Variants in THSD7A observed in about 807,000 individuals in gnomAD.
THSD7A encodes thrombospondin type-1 domain-containing protein 7A.
THSD7A carries 96 observed loss-of-function variants against 231.3 expected under a neutral mutation model. The ratio of observed to expected loss-of-function variants is 0.41; its 90% CI spans 0.35 to 0.49. The LOEUF (loss-of-function observed/expected upper bound fraction) is 0.49, where lower values mean the gene tolerates loss of function less well. Among genes scored for constraint, THSD7A ranks in the 20% least tolerant of loss-of-function variants. The probability of loss-of-function intolerance (pLI) is 0.05; values close to 1 mark genes in which losing one functional copy is unlikely to be tolerated. For missense variants in THSD7A, 2,290 were observed against 2,070.2 expected, an observed-to-expected ratio of 1.11 and a Z score of -2.06; for synonymous variants, 940 against 743.3, an observed-to-expected ratio of 1.26 and a Z score of -4.30.
chr7:11,646,574 C>A (rs1782290545), intron 1 of THSD7A, among the ~76,000 whole-genome samples: 1 of 151,856 alleles, frequency 6.6e-6, no homozygotes. Context: ...GTGAAATGGA[C>A]AAAACTTTTT....
intron 13 of THSD7A, among the ~76,000 whole-genome samples, chr7:11,442,192 A>G (rs533828400): frequency 6.6e-6 from 1 of 152,156 alleles, no homozygotes; most frequent in South Asian, 2.1e-4. Context: ...GAATACTATA[A>G]TATCTGATTT....
Position 11,474,220 on chromosome 7 carries a change from G to A in THSD7A, c.2252+114C>T. On this transcript the variant is annotated intron_variant, in intron 8 of 27. Coordinates refer to ENST00000423059, the MANE Select transcript of THSD7A (RefSeq NM_015204.3). This position sits in a 1 kb window ranked among gnomAD's most constrained non-coding sequence, Gnocchi z 4.1. The stretch of plus-strand genomic sequence containing the variant: ...TTCAAAACAAACAAATCTTGCTCTT[G>A]AGGACAGGTATGACAAGCATCAAAA... 1 of 858,494 alleles carries A rather than the reference G, an allele frequency of 1.2e-6. No homozygotes were observed. The allele number at this position is 858,494 out of a possible 1,614,324, so 53.2% of individuals were successfully genotyped here. A position where few individuals can be genotyped will look rare whatever the true frequency, so the allele number is the denominator to read the frequency against.
In THSD7A at chr7:11,814,830, A is replaced by C. The variant is rs947857515; in HGVS notation, c.190+16927T>G. Among the ~76,000 whole-genome samples the C allele has an allele frequency of 1.1e-4, 16 of 152,148 alleles. No homozygotes were observed. Among genetic ancestry groups the C allele is most frequent in the African/African-American group, 3.6e-4 (15 of 41,432 alleles). On this transcript the variant is annotated intron_variant, in intron 1 of 27. Transcript: ENST00000423059. This position sits in a 1 kb window ranked among gnomAD's most constrained non-coding sequence, Gnocchi z 5.1. Reference sequence around the variant, plus strand: ...TATGTAGTCACCACAGCAAACTCTCAAAAGAAGCTGTTTGATAAGAGTGAT... The same window carrying C: ...TATGTAGTCACCACAGCAAACTCTCCAAAGAAGCTGTTTGATAAGAGTGAT...
chr7:11,568,102 G>T (rs993633136), intron 4 of THSD7A, among the ~76,000 whole-genome samples: 1 of 152,036 alleles, frequency 6.6e-6, no homozygotes. Context: ...AGTATTTTAA[G>T]TATCATACTA....
intron 1 of THSD7A, among the ~76,000 whole-genome samples, chr7:11,783,974 A>T (rs1783709337): frequency 6.6e-6 from 1 of 152,052 alleles, no homozygotes; most frequent in Admixed American, 6.6e-5. Flanking sequence ...TTACCTGTTA[A>T]TTTTTTACTA....
At chr7:11,517,448 C>T (rs1788080368) in intron 6 of THSD7A, among the ~76,000 whole-genome samples, 1 of 151,852 alleles carries the variant, frequency 6.6e-6, no homozygotes, top group South Asian at 2.1e-4. Context: ...GTTTGCCCTC[C>T]TGAAACAGGG....
At chr7:11,736,813 CA>C (rs1781931533) in intron 1 of THSD7A, among the ~76,000 whole-genome samples, 1 of 151,988 alleles carries the variant, frequency 6.6e-6, no homozygotes, top group South Asian at 2.1e-4. Flanking sequence ...TGGCCCCACC[CA>C]AATCTCATCT....
chr7:11,390,084 A>G (rs975780641), intron 23 of THSD7A, among the ~76,000 whole-genome samples: 1 of 152,074 alleles, frequency 6.6e-6, no homozygotes, highest in African/African-American at 2.4e-5. Context: ...TCTGATGATT[A>G]TGTGTCTTGG....
chr7:11,505,298 GCTA>G (rs779695456), intron 6 of THSD7A, among the ~76,000 whole-genome samples: 34 of 152,162 alleles, frequency 2.2e-4, no homozygotes, highest in Non-Finnish European at 4.3e-4. Context: ...TTTTACAAGG[GCTA>G]CTAACTTCAA....
At chr7:11,562,914 A>T (rs1363201193) in intron 4 of THSD7A, among the ~76,000 whole-genome samples, 1 of 152,172 alleles carries the variant, frequency 6.6e-6, no homozygotes, top group Non-Finnish European at 1.5e-5. Flanking sequence ...TAGTAATTTC[A>T]GGTATATTTT....
chr7:11,532,040 T>C (rs916777600), intron 6 of THSD7A, among the ~76,000 whole-genome samples: 11 of 152,092 alleles, frequency 7.2e-5, no homozygotes, highest in African/African-American at 2.7e-4. Context: ...GTTCAGAACC[T>C]AGGCAATAAG....
At chr7:11,570,452 T>C (rs1790575460) in intron 4 of THSD7A, among the ~76,000 whole-genome samples, 1 of 152,176 alleles carries the variant, frequency 6.6e-6, no homozygotes, top group Non-Finnish European at 1.5e-5. Context: ...TAGTTAATAA[T>C]TGATGGTATA....
chr7:11,728,911 T>C (rs761894931), intron 1 of THSD7A, among the ~76,000 whole-genome samples: 3 of 151,824 alleles, frequency 2.0e-5, no homozygotes, highest in Non-Finnish European at 4.4e-5. Flanking sequence ...TAATAAACCA[T>C]CACTTATCAC....
chr7:11,755,768 G>A (rs971385464), intron 1 of THSD7A, among the ~76,000 whole-genome samples: 1 of 152,044 alleles, frequency 6.6e-6, no homozygotes, highest in Non-Finnish European at 1.5e-5. Context: ...TTAGTATGAA[G>A]TTAGACATAA....
chr7:11,391,357 C>A (rs373970497), intron 23 of THSD7A, among the ~76,000 whole-genome samples: 2 of 152,308 alleles, frequency 1.3e-5, no homozygotes, highest in Middle Eastern at 3.4e-3. Context: ...CTGTTGTGGG[C>A]TCTGCCCAGT....
intron 1 of THSD7A, among the ~76,000 whole-genome samples, chr7:11,805,508 G>T (rs1297212154): frequency 6.6e-6 from 1 of 151,838 alleles, no homozygotes; most frequent in Admixed American, 6.6e-5. Flanking sequence ...AAGAATAACA[G>T]AGAAAAATAG....
chr7:11,723,070 A>G (rs1217545195), intron 1 of THSD7A, among the ~76,000 whole-genome samples: 1 of 152,000 alleles, frequency 6.6e-6, no homozygotes, highest in Non-Finnish European at 1.5e-5. Context: ...AAGACATGGA[A>G]CCAATCCAAA....
intron 6 of THSD7A, among the ~76,000 whole-genome samples, chr7:11,526,839 G>T (rs1225861907): frequency 6.6e-6 from 1 of 152,122 alleles, no homozygotes; most frequent in African/African-American, 2.4e-5. Flanking sequence ...CTTTACAGCA[G>T]TGTGAGGATG....
chr7:11,606,634 T>C (rs889522177), intron 2 of THSD7A, among the ~76,000 whole-genome samples: 1 of 151,582 alleles, frequency 6.6e-6, no homozygotes. Context: ...GTTTTCTTCC[T>C]GTAAAGATAC....
Sources: allele counts gnomAD v4.1 joint callset (sites outside exome capture counted in the v4.1 genomes callset), GRCh38; gene constraint gnomAD v4.1.1; non-coding constraint Gnocchi (gnomAD v3.1); transcripts MANE v1.5; gene names NCBI Gene and HGNC (gene_info 2026-07-23, HGNC 2026-07-21).